Variants in PTPRM observed in about 807,000 individuals in gnomAD.
PTPRM encodes protein tyrosine phosphatase receptor type M.
A neutral mutation model predicts 186.7 loss-of-function variants in PTPRM; 47 were observed. The ratio of observed to expected loss-of-function variants is 0.25; its 90% confidence interval spans 0.20 to 0.32. The LOEUF is 0.32. PTPRM is among the 10% of genes least tolerant of loss of function. The probability of loss-of-function intolerance (pLI) is 1.00; values close to 1 mark genes in which losing one functional copy is unlikely to be tolerated. For synonymous variants in PTPRM, 668 were observed against 674.9 expected, an observed-to-expected ratio of 0.99 and a Z score of 0.16; for missense variants, 1,494 against 1,865.0, an observed-to-expected ratio of 0.80 and a Z score of 3.66.
intron 14 of PTPRM, among the ~76,000 whole-genome samples, chr18:8,242,995 T>C (rs2094445661): frequency 6.6e-6 from 1 of 152,244 alleles, no homozygotes; most frequent in South Asian, 2.1e-4. Context: ...TTTGGTATTA[T>C]CGTGCTGTGG....
intron 1 of PTPRM, among the ~76,000 whole-genome samples, chr18:7,737,555 C>G (rs996367680): frequency 1.6e-4 from 24 of 152,198 alleles, no homozygotes; most frequent in African/African-American, 5.8e-4. Flanking sequence ...GGCTTGTATT[C>G]AACCAGTGTG....
intron 1 of PTPRM, among the ~76,000 whole-genome samples, chr18:7,630,495 G>C (rs535166165): frequency 6.6e-6 from 1 of 152,158 alleles, no homozygotes; most frequent in Non-Finnish European, 1.5e-5. Context: ...TCTCCTGAGA[G>C]ATGTGGTTAT....
At chr18:8,264,421 C>G (rs1380163592) in intron 19 of PTPRM, among the ~76,000 whole-genome samples, 1 of 150,342 alleles carries the variant, frequency 6.7e-6, no homozygotes, top group Non-Finnish European at 1.5e-5. Flanking sequence ...CTAGAACTTT[C>G]ATGATGTTGA....
At chr18:8,118,735 G>T (rs1161954094) in intron 13 of PTPRM, among the ~76,000 whole-genome samples, 1 of 150,872 alleles carries the variant, frequency 6.6e-6, no homozygotes, top group Non-Finnish European at 1.5e-5. Context: ...GGGAGGCAGA[G>T]GTTGCAGTGA....
intron 7 of PTPRM, among the ~76,000 whole-genome samples, chr18:8,008,762 G>T (rs575817200): frequency 6.6e-6 from 1 of 151,858 alleles, no homozygotes; most frequent in East Asian, 1.9e-4. Context: ...AAACACGCAC[G>T]TGCTTAGAGA....
intron 14 of PTPRM, among the ~76,000 whole-genome samples, chr18:8,153,056 A>G (rs1027935978): frequency 3.9e-5 from 6 of 152,120 alleles, no homozygotes; most frequent in Non-Finnish European, 8.8e-5. Context: ...CTCAATGTGT[A>G]TGTAGATAGC....
At chr18:8,128,904 T>C (rs2092437050) in intron 13 of PTPRM, among the ~76,000 whole-genome samples, 1 of 152,186 alleles carries the variant, frequency 6.6e-6, no homozygotes, top group South Asian at 2.1e-4. Flanking sequence ...AGCAGTGTGA[T>C]GAAGGAAACC....
At chr18:7,662,571 T>C in intron 1 of PTPRM, among the ~76,000 whole-genome samples, 1 of 151,906 alleles carries the variant, frequency 6.6e-6, no homozygotes, top group Non-Finnish European at 1.5e-5. Context: ...CTGGGAATGG[T>C]AGTGGTAGTG....
At chr18:7,777,634 AATT>A (rs1371818957) in intron 2 of PTPRM, among the ~76,000 whole-genome samples, 4 of 152,226 alleles carry the variant, frequency 2.6e-5, no homozygotes, top group Non-Finnish European at 5.9e-5. Context: ...ATATTCATAT[AATT>A]ATTAATATAC....
At chr18:8,164,169 G>T (rs551683997) in intron 14 of PTPRM, among the ~76,000 whole-genome samples, 84 of 152,340 alleles carry the variant, frequency 5.5e-4, no homozygotes, top group African/African-American at 2.0e-3. Context: ...GGATGAGACT[G>T]TGTTAGCCAA....
At chr18:7,680,295 T>A (rs1253368001) in intron 1 of PTPRM, among the ~76,000 whole-genome samples, 1 of 152,140 alleles carries the variant, frequency 6.6e-6, no homozygotes, top group Non-Finnish European at 1.5e-5. Flanking sequence ...CAGGTGTGGA[T>A]TCTGTGTAGT....
At chr18:7,598,492 C>G (rs2143712399) in intron 1 of PTPRM, among the ~76,000 whole-genome samples, 1 of 152,314 alleles carries the variant, frequency 6.6e-6, no homozygotes, top group African/African-American at 2.4e-5. Context: ...ATGCTCAGTT[C>G]TTTGGGATGC....
chr18:8,302,552 G>C (rs1300674651), intron 20 of PTPRM, among the ~76,000 whole-genome samples: 1 of 152,122 alleles, frequency 6.6e-6, no homozygotes, highest in Non-Finnish European at 1.5e-5. Flanking sequence ...GAGAAAGTAG[G>C]TTCGAAAGGG....
chr18:8,104,606 G>A (rs941799186), intron 11 of PTPRM, among the ~76,000 whole-genome samples: 4 of 151,874 alleles, frequency 2.6e-5, no homozygotes, highest in African/African-American at 9.7e-5. Context: ...GCCACCACAC[G>A]CAGCTGATTT....
At chr18:8,038,503 T>C (rs940812145) in intron 7 of PTPRM, among the ~76,000 whole-genome samples, 9 of 151,932 alleles carry the variant, frequency 5.9e-5, no homozygotes, top group African/African-American at 1.9e-4. Flanking sequence ...GTGATTCTTG[T>C]GCCTCAGCCT....
chr18:7,978,165 T>C (rs1347594706), intron 7 of PTPRM, among the ~76,000 whole-genome samples: 2 of 152,124 alleles, frequency 1.3e-5, no homozygotes, highest in Non-Finnish European at 2.9e-5. Flanking sequence ...AGCTCTGGCT[T>C]AGGGTTGATT....
chr18:8,311,532 C>T (rs1341488271), intron 20 of PTPRM, among the ~76,000 whole-genome samples: 1 of 152,054 alleles, frequency 6.6e-6, no homozygotes, highest in Non-Finnish European at 1.5e-5. Context: ...GGGAAAGGTA[C>T]TCTTAGGGAT....
chr18:7,955,105 C>A lies in PTPRM; in HGVS notation c.839-16C>A, dbSNP rs763212691. ...GACAAAGCATCTGAAAGACAGCTTT[C>A]TGGTTTGTCTTTCAGAACCACCCGT... On this transcript the variant is annotated splice_polypyrimidine_tract_variant and intron_variant, in intron 6 of 32. Transcript: ENST00000580170. 51 of 1,577,386 alleles carry A rather than the reference C, an allele frequency of 3.2e-5. No individual in the cohort carries two copies. The East Asian group carries it at 1.2e-3, about 36-fold the overall frequency.
At chr18:7,711,811 G>GA (rs2040219950) in intron 1 of PTPRM, among the ~76,000 whole-genome samples, 1 of 152,074 alleles carries the variant, frequency 6.6e-6, no homozygotes, top group Admixed American at 6.5e-5. Context: ...GGGCATCTCT[G>GA]AAAAAAAGGC....
Sources: gnomAD v4.1 joint callset for allele counts (sites outside exome capture counted in the v4.1 genomes callset) on GRCh38, gnomAD v4.1.1 for gene constraint, MANE v1.5 for transcripts, NCBI Gene and HGNC (gene_info 2026-07-23, HGNC 2026-07-21) for gene names.